ADCY1: variants seen among roughly 807,000 people sequenced by gnomAD.
The protein encoded by ADCY1 is adenylate cyclase 1.
Under a neutral mutation model 105.4 loss-of-function variants are expected in ADCY1, and 28 were observed. The ratio of observed to expected loss-of-function variants is 0.27; its 90% CI spans 0.20 to 0.36. ADCY1 has a LOEUF of 0.36. Among genes scored for constraint, ADCY1 ranks in the 10% least tolerant of loss-of-function variants. The pLI is 1.00. For missense variants in ADCY1, 977 were observed against 1,434.2 expected (o/e 0.68, Z 5.15); for synonymous variants, 655 against 623.8 (o/e 1.05, Z -0.75).
At chr7:45,587,125 G>A (rs1792754254) in intron 1 of ADCY1, among the ~76,000 whole-genome samples, 1 of 152,214 alleles carries the variant, frequency 6.6e-6, no homozygotes, top group Non-Finnish European at 1.5e-5. Flanking sequence ...TGATCCTGGG[G>A]TGAGAAGGGA....
chr7:45,588,825 C>T (rs1333569574), intron 1 of ADCY1, among the ~76,000 whole-genome samples: 1 of 152,064 alleles, frequency 6.6e-6, no homozygotes, highest in Non-Finnish European at 1.5e-5. Context: ...GGGGCTCTTT[C>T]AGTTGGCTGC....
chr7:45,686,402 TG>T lies in ADCY1; in HGVS notation c.2328-144del, dbSNP rs1784675072. ...AGGACTCAGATTTCCCTATGATAAGTGATTCTTGGCCAAGGTCAATCCCAGC... is the reference window on the plus strand; with the variant it reads ...AGGACTCAGATTTCCCTATGATAAGTATTCTTGGCCAAGGTCAATCCCAGC... On this transcript the variant is annotated intron_variant, in intron 13 of 19. Transcript: ENST00000297323. The surrounding 1 kb of genome is among the most constrained non-coding windows in gnomAD (Gnocchi z 4.3). The T allele has an allele frequency of 3.5e-6, 5 of 1,414,436 alleles. No individual in the cohort carries two copies. The highest frequency in any genetic ancestry group is 4.7e-6 in the Non-Finnish European group (5 of 1,058,616). The allele number at this position is 1,414,436 out of a possible 1,614,324, so 87.6% of individuals were successfully genotyped here. A position where few individuals can be genotyped will look rare whatever the true frequency, so the allele number is the denominator to read the frequency against.
intron 14 of ADCY1, among the ~76,000 whole-genome samples, chr7:45,690,045 T>C (rs1423385579): frequency 1.3e-5 from 2 of 152,094 alleles, no homozygotes; most frequent in Non-Finnish European, 2.9e-5. Context: ...GGTCTGACAA[T>C]GGAGTGTGAC....
chr7:45,651,454 T>A (rs1178013841), intron 5 of ADCY1, among the ~76,000 whole-genome samples: 1 of 152,182 alleles, frequency 6.6e-6, no homozygotes, highest in East Asian at 1.9e-4. Flanking sequence ...CTTTATATAA[T>A]GTCTTTCTCT....
chr7:45,676,611 A>G (rs1458065230), intron 8 of ADCY1, among the ~76,000 whole-genome samples: 1 of 152,082 alleles, frequency 6.6e-6, no homozygotes, highest in South Asian at 2.1e-4. Flanking sequence ...GCACCTTGTT[A>G]CTGTTGAGTA....
intron 8 of ADCY1, among the ~76,000 whole-genome samples, chr7:45,673,257 T>G (rs1166934955): frequency 6.6e-6 from 1 of 152,158 alleles, no homozygotes; most frequent in Admixed American, 6.5e-5. Context: ...TTGTACTATC[T>G]TCGTCTGGTG....
chr7:45,658,005 G>A, intron 6 of ADCY1, 120 bp downstream of exon 6: 1 of 1,185,492 alleles, frequency 8.4e-7, no homozygotes, highest in Non-Finnish European at 1.2e-6. Context: ...AGTGCTCCTG[G>A]AGGAGCCTGC....
intron 3 of ADCY1, among the ~76,000 whole-genome samples, chr7:45,615,674 C>T (rs1288902874): frequency 6.6e-6 from 1 of 151,904 alleles, no homozygotes; most frequent in Non-Finnish European, 1.5e-5. Context: ...CACAACATAC[C>T]CAAACTTATG....
At chr7:45,628,021 G>T (rs747529995) in intron 4 of ADCY1, among the ~76,000 whole-genome samples, 1 of 152,170 alleles carries the variant, frequency 6.6e-6, no homozygotes, top group Non-Finnish European at 1.5e-5. Context: ...GGCTCCTGGT[G>T]GGGAGGTTCT....
intron 4 of ADCY1, among the ~76,000 whole-genome samples, chr7:45,637,648 C>G (rs1794427068): frequency 6.6e-6 from 1 of 152,138 alleles, no homozygotes; most frequent in Non-Finnish European, 1.5e-5. Flanking sequence ...TCGCTTGAGC[C>G]CAGGAGTTTG....
At chr7:45,644,709 G>A (rs1475881579) in intron 4 of ADCY1, among the ~76,000 whole-genome samples, 2 of 152,152 alleles carry the variant, frequency 1.3e-5, no homozygotes, top group Non-Finnish European at 2.9e-5. Flanking sequence ...AACACTTCCT[G>A]TGGTGCTTTA....
In ADCY1 at chr7:45,686,701, G is replaced by T. The variant is rs1448490034; in HGVS notation, c.2454+28G>T. On this transcript the variant is annotated intron_variant, in intron 14 of 19. Transcript: ENST00000297323. The surrounding 1 kb of genome is among the most constrained non-coding windows in gnomAD (Gnocchi z 4.3). ...AAGACGAGCCCTTTCTGCTTTCTGG[G>T]GGTGGGGGATTTAGAGGAGGAAGAA... is the stretch of plus-strand genomic sequence containing the variant. 6.3e-7 allele frequency: 1 copy of T among 1,578,246 alleles called. No individual in the cohort carries two copies.
intron 3 of ADCY1, among the ~76,000 whole-genome samples, chr7:45,616,165 A>G (rs1793732517): frequency 6.6e-6 from 1 of 152,222 alleles, no homozygotes; most frequent in African/African-American, 2.4e-5. Flanking sequence ...AGACCTATAT[A>G]TAGTATGGAG....
At chr7:45,694,126 A>AC (rs1208405324) in intron 14 of ADCY1, among the ~76,000 whole-genome samples, 2 of 150,822 alleles carry the variant, frequency 1.3e-5, no homozygotes, top group Non-Finnish European at 3.0e-5. Flanking sequence ...AAAAAAAAAA[A>AC]AAAAAAAAAA....
intron 3 of ADCY1, among the ~76,000 whole-genome samples, chr7:45,621,175 C>T (rs1009745779): frequency 2.0e-5 from 3 of 152,206 alleles, no homozygotes; most frequent in African/African-American, 7.2e-5. Context: ...AAGTGATCCT[C>T]CCACCTCAGC....
rs1470115386 is a variant in ADCY1 at position 45,721,694 on chromosome 7, A to G, written c.*7699A>G. 5 of 398,436 alleles carry G rather than the reference A, an allele frequency of 1.3e-5. No individual in the cohort carries two copies. In the East Asian group the frequency reaches 1.4e-4, roughly 11 times the overall value. 24.7% of individuals were successfully genotyped at this position (398,436 alleles called of 1,614,324 possible). The stretch of plus-strand genomic sequence containing the variant: ...TAAAGGTGGGTCCGGGTGCCTTCCC[A>G]GGGGTTAGAGGATGTTCAAAGGGCC... On this transcript the variant is annotated 3_prime_UTR_variant, in exon 20 of 20. Transcript: ENST00000297323.
intron 8 of ADCY1, among the ~76,000 whole-genome samples, chr7:45,672,900 C>T (rs1407300169): frequency 4.6e-5 from 7 of 152,130 alleles, no homozygotes; most frequent in Non-Finnish European, 7.4e-5. Flanking sequence ...ATAGAAGGAA[C>T]GTGTTCAGTC....
chr7:45,648,922 T>C (rs1794741878), intron 5 of ADCY1, 125 bp downstream of exon 5: 2 of 1,149,076 alleles, frequency 1.7e-6, no homozygotes, highest in Non-Finnish European at 2.4e-6. Context: ...CTGATGGGTC[T>C]GTCTGAGGCT....
At chr7:45,709,778 C>T (rs528485708) in intron 18 of ADCY1, among the ~76,000 whole-genome samples, 37 of 152,240 alleles carry the variant, frequency 2.4e-4, no homozygotes, top group Non-Finnish European at 4.1e-4. Context: ...GAGCTGACAG[C>T]ATGCTTGGTC....
Sources: gnomAD v4.1 joint callset for allele counts (sites outside exome capture counted in the v4.1 genomes callset) on GRCh38, gnomAD v4.1.1 for gene constraint, Gnocchi (gnomAD v3.1) non-coding constraint, MANE v1.5 for transcripts, NCBI Gene and HGNC (gene_info 2026-07-23, HGNC 2026-07-21) for gene names.